The following RSPO2 variants were observed in gnomAD, a reference collection of about 807,000 sequenced individuals.
The protein encoded by RSPO2 is R-spondin 2, also known as R-spondin-2.
RSPO2 carries 14 observed loss-of-function variants against 30.9 expected under a neutral mutation model. The observed-to-expected ratio is 0.45, with a 90% CI of 0.30 to 0.71. The LOEUF (loss-of-function observed/expected upper bound fraction) is 0.71. Ranked by LOEUF, RSPO2 falls within the 30% of genes least tolerant of loss-of-function variation. The pLI is 0.08. For synonymous variants in RSPO2, 107 were observed against 96.4 expected, an observed-to-expected ratio of 1.11 and a Z score of -0.64; for missense variants, 264 against 301.9, an observed-to-expected ratio of 0.87 and a Z score of 0.93.
At chr8:108,071,692 G>T (rs1421156937) in intron 2 of RSPO2, among the ~76,000 whole-genome samples, 1 of 152,130 alleles carries the variant, frequency 6.6e-6, no homozygotes, top group Non-Finnish European at 1.5e-5. Context: ...CCTTAGAAGA[G>T]CCCAGAACTA....
chr8:107,992,965 TA>T (rs1233206571), intron 2 of RSPO2, among the ~76,000 whole-genome samples: 3 of 151,910 alleles, frequency 2.0e-5, no homozygotes, highest in Non-Finnish European at 4.4e-5. Flanking sequence ...TTGGAGAAAA[TA>T]AAACAGAACC....
intron 5 of RSPO2, among the ~76,000 whole-genome samples, chr8:107,910,827 G>A (rs1254119343): frequency 1.3e-5 from 2 of 152,082 alleles, no homozygotes; most frequent in Non-Finnish European, 2.9e-5. Context: ...GGAGGCTGAG[G>A]TGAGAGGATC....
chr8:108,065,965 G>T (rs1246581368), intron 2 of RSPO2, among the ~76,000 whole-genome samples: 1 of 152,188 alleles, frequency 6.6e-6, no homozygotes, highest in Non-Finnish European at 1.5e-5. Context: ...TTGAACCCAG[G>T]AGGCAGAGGT....
intron 3 of RSPO2, among the ~76,000 whole-genome samples, chr8:107,984,676 G>GAAAT (rs773507824): frequency 3.3e-5 from 5 of 152,156 alleles, no homozygotes; most frequent in Non-Finnish European, 7.4e-5. Context: ...TACCAAGGAG[G>GAAAT]AAATACCCTT....
chr8:108,027,671 A>C (rs556012149), intron 2 of RSPO2, among the ~76,000 whole-genome samples: 1 of 152,310 alleles, frequency 6.6e-6, no homozygotes, highest in African/African-American at 2.4e-5. Flanking sequence ...TTGAATTCTA[A>C]ATAACTCTTT....
At chr8:107,927,855 T>TC (rs1463596432) in intron 5 of RSPO2, among the ~76,000 whole-genome samples, 14 of 152,136 alleles carry the variant, frequency 9.2e-5, no homozygotes. Context: ...TGATCATTAA[T>TC]CCTATGTTCA....
chr8:107,924,822 GCACACACA>G (rs59249399), intron 5 of RSPO2, among the ~76,000 whole-genome samples: 74 of 148,392 alleles, frequency 5.0e-4, no homozygotes, highest in Non-Finnish European at 8.8e-4. Flanking sequence ...CACCTAACAT[GCACACACA>G]CACACACACA....
intron 2 of RSPO2, among the ~76,000 whole-genome samples, chr8:108,047,856 GAA>G (rs5893903): frequency 2.8e-4 from 38 of 135,822 alleles, no homozygotes; most frequent in South Asian, 7.1e-4. Flanking sequence ...GGCTCAGGGA[GAA>G]AAAAAAAAAA....
chr8:107,902,470 T>C (rs1395122440), intron 5 of RSPO2, among the ~76,000 whole-genome samples: 2 of 152,056 alleles, frequency 1.3e-5, no homozygotes, highest in Non-Finnish European at 2.9e-5. Context: ...TCCAGGCATA[T>C]AGCAGGCCAA....
chr8:107,948,964 CTT>C (rs34697845), intron 5 of RSPO2, among the ~76,000 whole-genome samples: 142 of 138,950 alleles, frequency 1.0e-3, no homozygotes, highest in Admixed American at 2.2e-3. Flanking sequence ...AGGTCTGCAC[CTT>C]TTTTTTTTTT....
chr8:108,003,554 C>T (rs939016027), intron 2 of RSPO2, among the ~76,000 whole-genome samples: 2 of 151,530 alleles, frequency 1.3e-5, no homozygotes, highest in Non-Finnish European at 2.9e-5. Context: ...TCACAGCAAT[C>T]CATACCTTAG....
At chr8:107,971,890 T>C (rs954531078) in intron 3 of RSPO2, among the ~76,000 whole-genome samples, 5 of 152,202 alleles carry the variant, frequency 3.3e-5, no homozygotes, top group African/African-American at 9.6e-5. Context: ...ACCTTAGTCA[T>C]GCTCAGTTAT....
At chr8:108,069,432 G>T (rs55634298) in intron 2 of RSPO2, among the ~76,000 whole-genome samples, 6 of 152,024 alleles carry the variant, frequency 3.9e-5, no homozygotes, top group Non-Finnish European at 8.8e-5. Context: ...CAGGATGGTC[G>T]CAATCTCTTG....
chr8:107,909,259 GTTTT>G (rs11292252), intron 5 of RSPO2, among the ~76,000 whole-genome samples: 3 of 91,616 alleles, frequency 3.3e-5, no homozygotes, highest in Non-Finnish European at 6.9e-5. Context: ...TTTCCCAGTT[GTTTT>G]TTTTTTTTTT....
At chr8:107,909,034 GCAC>G (rs1811739119) in intron 5 of RSPO2, among the ~76,000 whole-genome samples, 1 of 152,134 alleles carries the variant, frequency 6.6e-6, no homozygotes, top group African/African-American at 2.4e-5. Flanking sequence ...TGGCCTTCCA[GCAC>G]CACAATGAGT....
chr8:107,937,997 A>AAT (rs1188921041), intron 5 of RSPO2, among the ~76,000 whole-genome samples: 9 of 152,102 alleles, frequency 5.9e-5, no homozygotes, highest in Non-Finnish European at 1.0e-4. Context: ...TGTCCACAAT[A>AAT]ATATCCTTGA....
chr8:107,914,020 T>C (rs780116816), intron 5 of RSPO2, among the ~76,000 whole-genome samples: 4 of 152,170 alleles, frequency 2.6e-5, no homozygotes, highest in African/African-American at 7.2e-5. Context: ...TTAAATGTAA[T>C]GAAAATTATT....
At chr8:108,000,066 C>A (rs1187032457) in intron 2 of RSPO2, among the ~76,000 whole-genome samples, 9 of 152,128 alleles carry the variant, frequency 5.9e-5, no homozygotes, top group Non-Finnish European at 7.4e-5. Context: ...CGTCACAGGG[C>A]AGCTCAGAAT....
chr8:107,969,987 A>G (rs541156548), intron 3 of RSPO2, among the ~76,000 whole-genome samples: 4 of 152,318 alleles, frequency 2.6e-5, no homozygotes, highest in Admixed American at 2.6e-4. Flanking sequence ...GGAAAAGCAT[A>G]TGTAAGCTAA....
Sources: allele counts gnomAD v4.1 joint callset (sites outside exome capture counted in the v4.1 genomes callset), GRCh38; gene constraint gnomAD v4.1.1; transcripts MANE v1.5; gene names NCBI Gene and HGNC (gene_info 2026-07-23, HGNC 2026-07-21).